The following FBXO5 variants were observed in gnomAD, a reference collection of about 807,000 sequenced individuals.
FBXO5 encodes the protein F-box protein 5, also known as F-box only protein 5.
FBXO5 carries 8 observed loss-of-function variants against 43.3 expected under a neutral mutation model. The observed-to-expected ratio is 0.18, with a 90% CI of 0.11 to 0.33. The LOEUF (loss-of-function observed/expected upper bound fraction) is 0.33, where lower values mean the gene tolerates loss of function less well. Among genes scored for constraint, FBXO5 ranks in the 10% least tolerant of loss-of-function variants. FBXO5 has a pLI of 1.00. For synonymous variants in FBXO5, 204 were observed against 193.7 expected, an observed-to-expected ratio of 1.05 and a Z score of -0.44; for missense variants, 491 against 535.7, an observed-to-expected ratio of 0.92 and a Z score of 0.82.
chr6:152,972,711 C>A, intron 3 of FBXO5: 1 of 477,742 alleles, frequency 2.1e-6, no homozygotes, highest in Non-Finnish European at 3.7e-6. Context: ...GTACTTAATA[C>A]CTAAAAAGTA....
chr6:152,975,151 G>C lies in FBXO5; in HGVS notation c.574C>G (p.Leu192Val), dbSNP rs950642822. ...SPDQYPNKNL[L>V]PVLHFEKVVC... ...ACTTTTTCAAAATGAAGAACTGGCA[G>C]CAAGTTTTTGTTGGGATATTGGTCT... The change falls in exon 2 of 5, where the codon CTG becomes GTG. Residue 192 changes from leucine (L) to valine (V), a missense_variant. Coordinates refer to ENST00000229758, the MANE Select transcript of FBXO5 (RefSeq NM_012177.5). The C allele has an allele frequency of 2.5e-6, 4 of 1,614,140 alleles. No individual in the cohort carries two copies. Among genetic ancestry groups the C allele is most frequent in the Admixed American group, 1.7e-5 (1 of 60,022 alleles).
At chr6:152,979,932 T>C (rs1778235514) in intron 1 of FBXO5, among the ~76,000 whole-genome samples, 1 of 152,210 alleles carries the variant, frequency 6.6e-6, no homozygotes, top group Admixed American at 6.5e-5. Flanking sequence ...AGGTATTAAA[T>C]GAGAGTGAAA....
chr6:152,983,195 C>G (rs1436666478), upstream of FBXO5: 2 of 389,302 alleles, frequency 5.1e-6, no homozygotes, highest in Non-Finnish European at 9.1e-6. Context: ...GCTGCCGAGG[C>G]GGGGCCGAGC....
rs571185293 is a variant in FBXO5, at chr6:152,970,885, AT to A, written c.*277del. The A allele has an allele frequency of 1.6e-3, 402 of 249,174 alleles. No individual in the cohort carries two copies. Among genetic ancestry groups the A allele is most frequent in the East Asian group, 6.4e-3 (81 of 12,714 alleles). 15.4% of individuals were successfully genotyped at this position (249,174 alleles called of 1,614,324 possible). ...TTTCCTTTACCATAAAATTGAATCA[AT>A]TTTTTTTTACCCTCAGTATCACTAT... On this transcript the variant is annotated 3_prime_UTR_variant, in exon 5 of 5. Transcript: ENST00000229758.
At position 152,975,631 on chromosome 6, in the gene FBXO5, G is replaced by A; in HGVS notation, c.104-10C>T. 1 of 1,544,494 alleles carries A rather than the reference G, an allele frequency of 6.5e-7. No individual in the cohort carries two copies. Among genetic ancestry groups the A allele is most frequent in the Non-Finnish European group, 8.7e-7 (1 of 1,149,480 alleles). ...CTTTCTTCTTTACAACCTATAAAAAGAACATAACATTTACATCTTAATGGC... is the reference window on the plus strand; with the variant it reads ...CTTTCTTCTTTACAACCTATAAAAAAAACATAACATTTACATCTTAATGGC... On this transcript the variant is annotated splice_polypyrimidine_tract_variant and intron_variant, in intron 1 of 4. Transcript: ENST00000229758.
At chr6:152,982,283 C>G (rs915442299) in intron 1 of FBXO5, among the ~76,000 whole-genome samples, 2 of 152,134 alleles carry the variant, frequency 1.3e-5, no homozygotes, top group Admixed American at 6.5e-5. Context: ...GCGCGGGACA[C>G]GCGGAGGAGG....
In FBXO5 at chr6:152,972,255, A is replaced by G; in HGVS notation, c.1092+17T>C. ...AATCTCTTATGTTTTAAGATTTATGATTAGACAAAAAATTACCTCAGAGAA... is the reference window on the plus strand; with the variant it reads ...AATCTCTTATGTTTTAAGATTTATGGTTAGACAAAAAATTACCTCAGAGAA... On this transcript the variant is annotated intron_variant, in intron 4 of 4. Coordinates refer to ENST00000229758, the MANE Select transcript of FBXO5 (RefSeq NM_012177.5). 1.9e-6 allele frequency: 3 copies of G among 1,583,012 alleles called. No individual in the cohort carries two copies. Among genetic ancestry groups the G allele is most frequent in the Non-Finnish European group, 2.6e-6 (3 of 1,159,438 alleles).
chr6:152,976,054 G>A (rs1051729379), intron 1 of FBXO5, among the ~76,000 whole-genome samples: 1 of 152,186 alleles, frequency 6.6e-6, no homozygotes, highest in African/African-American at 2.4e-5. Context: ...AATACTTTTA[G>A]ATTCAGTGTT....
At position 152,977,617 on chromosome 6, in the gene FBXO5, T is replaced by G. The variant is rs147116508; in HGVS notation, c.104-1996A>C. Reference sequence around the variant, plus strand: ...CAAATGATTCTGAGTGGTTTAGTTTTATTCAGAGGAAAAGTAAAAAATGCC... The same window carrying G: ...CAAATGATTCTGAGTGGTTTAGTTTGATTCAGAGGAAAAGTAAAAAATGCC... On this transcript the variant is annotated intron_variant, in intron 1 of 4. Transcript: ENST00000229758. Among the ~76,000 whole-genome samples the G allele has an allele frequency of 2.9e-4, 44 of 152,348 alleles. No individual in the cohort carries two copies. In the East Asian group the frequency reaches 7.9e-3, roughly 27 times the overall value.
In FBXO5 at chr6:152,975,335, T is replaced by G; in HGVS notation, c.390A>C (p.Thr130=). Residue 130 remains threonine (T), a synonymous_variant, in exon 2 of 5, where the codon ACA becomes ACC. Coordinates refer to ENST00000229758, the MANE Select transcript of FBXO5 (RefSeq NM_012177.5). ...TGGTCTCTAGTGCTTCTATTTCATTTGTACTATTAAGTGTCTGTTGCACAT... is the reference window on the plus strand; with the variant it reads ...TGGTCTCTAGTGCTTCTATTTCATTGGTACTATTAAGTGTCTGTTGCACAT... The part of the protein sequence containing the change: ...NQHVQQTLNS[T]NEIEALETSR... 1 of 1,614,206 alleles carries G rather than the reference T, an allele frequency of 6.2e-7. No homozygotes were observed. Among genetic ancestry groups the G allele is most frequent in the Non-Finnish European group, 8.5e-7 (1 of 1,180,024 alleles).
At position 152,971,203 on chromosome 6, in the gene FBXO5, G is replaced by C; in HGVS notation, c.1304C>G (p.Pro435Arg). The C allele has an allele frequency of 6.2e-7, 1 of 1,613,436 alleles. No homozygotes were observed. Among genetic ancestry groups the C allele is most frequent in the Non-Finnish European group, 8.5e-7 (1 of 1,179,770 alleles). Residue 435 changes from proline (P) to arginine (R), a missense_variant, in exon 5 of 5, where the codon CCT becomes CGT. Coordinates refer to ENST00000229758, the MANE Select transcript of FBXO5 (RefSeq NM_012177.5). ...LKASCKIGPLPGTKKSKKNLR... is the reference protein window; with the variant it reads ...LKASCKIGPLRGTKKSKKNLR... ...ATTCTTTTTGCTTTTCTTTGTACCA[G>C]GCAGGGGACCTATTTTACAACTGGC...
At chr6:152,978,672 G>C (rs907751210) in intron 1 of FBXO5, among the ~76,000 whole-genome samples, 2 of 152,086 alleles carry the variant, frequency 1.3e-5, no homozygotes, top group Admixed American at 6.5e-5. Flanking sequence ...TGCAACAACA[G>C]TATTTTCACA....
At chr6:152,982,391 G>A (rs550217718) in intron 1 of FBXO5, among the ~76,000 whole-genome samples, 4 of 152,202 alleles carry the variant, frequency 2.6e-5, no homozygotes, top group Admixed American at 1.3e-4. Flanking sequence ...GTGCGGGGCA[G>A]ATGTAGAAAA....
At position 152,971,018 on chromosome 6, in the gene FBXO5, C is replaced by A. The variant is rs1562289247; in HGVS notation, c.*145G>T. On this transcript the variant is annotated 3_prime_UTR_variant, in exon 5 of 5. Transcript: ENST00000229758. ...AATATTTTAAGAGGTTGTCTATCCT[C>A]TTTATCTTCTGGGGGGAAAAAAACC... The A allele has an allele frequency of 1.5e-6, 1 of 671,440 alleles. No individual in the cohort carries two copies. Among genetic ancestry groups the A allele is most frequent in the African/African-American group, 1.8e-5 (1 of 54,256 alleles). 41.6% of individuals were successfully genotyped at this position (671,440 alleles called of 1,614,324 possible). A position where few individuals can be genotyped will look rare whatever the true frequency, so the allele number is the denominator to read the frequency against.
rs796348266 is a variant in FBXO5 at position 152,979,007 on chromosome 6, GA to G, written c.104-3387del. Among the ~76,000 whole-genome samples the G allele has an allele frequency of 4.7e-5, 7 of 148,720 alleles. No individual in the cohort carries two copies. In the East Asian group the frequency reaches 7.9e-4, roughly 17 times the overall value. On this transcript the variant is annotated intron_variant, in intron 1 of 4. Coordinates refer to ENST00000229758, the MANE Select transcript of FBXO5 (RefSeq NM_012177.5). ...CCCTGTCTTAAAAAAAAAGAAAAAA[GA>G]AAAAAAAAGGTTTAGTATTTTAAAA... is the stretch of plus-strand genomic sequence containing the variant.
chr6:152,981,437 G>C (rs1778255884), intron 1 of FBXO5, among the ~76,000 whole-genome samples: 1 of 152,120 alleles, frequency 6.6e-6, no homozygotes, highest in Non-Finnish European at 1.5e-5. Context: ...TCAACGTTAG[G>C]CATGGCTATT....
chr6:152,974,010 T>G (rs1459553198), intron 2 of FBXO5: 1 of 151,804 alleles, frequency 6.6e-6, no homozygotes, highest in Non-Finnish European at 1.5e-5. Context: ...TCCTATCTAA[T>G]TCTAGCCTGC....
chr6:152,974,850 C>A, intron 2 of FBXO5, 57 bp downstream of exon 2: 1 of 1,368,148 alleles, frequency 7.3e-7, no homozygotes, highest in South Asian at 1.4e-5. Context: ...GGTACTGAGC[C>A]ACTAACAGCA....
upstream of FBXO5, chr6:152,983,119 C>G (rs1375863379): frequency 1.6e-5 from 7 of 428,030 alleles, no homozygotes; most frequent in Non-Finnish European, 2.9e-5. Flanking sequence ...TGAGACGCGT[C>G]GCTTGCATGC....
Sources: gnomAD v4.1 joint callset for allele counts (sites outside exome capture counted in the v4.1 genomes callset) on GRCh38, gnomAD v4.1.1 for gene constraint, MANE v1.5 for transcripts, NCBI Gene and HGNC (gene_info 2026-07-23, HGNC 2026-07-21) for gene names.